PPM1L: variants seen among roughly 807,000 people sequenced by gnomAD.
PPM1L encodes the protein protein phosphatase 1L.
In PPM1L, 13 loss-of-function variants were observed where a neutral mutation model predicts 31.4. That is an observed-to-expected ratio of 0.41 (90% CI 0.27 to 0.66). PPM1L has a LOEUF of 0.66. Among genes scored for constraint, PPM1L ranks in the 30% least tolerant of loss-of-function variants. The pLI is 0.29. For synonymous variants in PPM1L, 184 were observed against 175.4 expected (o/e 1.05, Z -0.39); for missense variants, 326 against 453.7 (o/e 0.72, Z 2.56).
At chr3:160,814,631 GTA>G in intron 1 of PPM1L, among the ~76,000 whole-genome samples, 1 of 148,132 alleles carries the variant, frequency 6.8e-6, no homozygotes, top group Non-Finnish European at 1.5e-5. Flanking sequence ...ACATATGTAT[GTA>G]TGTGTATATA....
chr3:160,844,962 G>C (rs1360915232), intron 1 of PPM1L, among the ~76,000 whole-genome samples: 1 of 152,028 alleles, frequency 6.6e-6, no homozygotes, highest in African/African-American at 2.4e-5. Context: ...TGTCTCTGTA[G>C]ATTTGCCTAT....
At chr3:160,768,016 C>T (rs1306262184) in intron 1 of PPM1L, among the ~76,000 whole-genome samples, 1 of 152,042 alleles carries the variant, frequency 6.6e-6, no homozygotes. Context: ...GATCTTTGAT[C>T]GTAGTGTTTA....
rs59232471 is a variant in PPM1L at position 160,903,208 on chromosome 3, TTGTGTG to T, written c.400-58500_400-58495del. Among the ~76,000 whole-genome samples the T allele has an allele frequency of 4.8e-3, 577 of 120,102 alleles. 4 individuals carry two copies. Among genetic ancestry groups the T allele is most frequent in the African/African-American group, 0.017 (533 of 32,118 alleles). 78.8% of individuals were successfully genotyped at this position (120,102 alleles called of 152,430 possible). On this transcript the variant is annotated intron_variant, in intron 1 of 3. Coordinates refer to ENST00000498165, the MANE Select transcript of PPM1L (RefSeq NM_139245.4). ...GTGTGTGTGTGGTATGTGTGTATGTTTGTGTGTGTGTGTGTGTGTGTGTGTGTGTGT... is the reference window on the plus strand; with the variant it reads ...GTGTGTGTGTGGTATGTGTGTATGTTTGTGTGTGTGTGTGTGTGTGTGTGT...
intron 1 of PPM1L, among the ~76,000 whole-genome samples, chr3:160,774,404 T>C (rs1445637964): frequency 6.6e-6 from 1 of 152,208 alleles, no homozygotes; most frequent in Non-Finnish European, 1.5e-5. Context: ...TCACTTTGTC[T>C]CTGGCATCTC....
At chr3:160,891,237 T>C (rs1168341523) in intron 1 of PPM1L, among the ~76,000 whole-genome samples, 1 of 151,570 alleles carries the variant, frequency 6.6e-6, no homozygotes, top group Non-Finnish European at 1.5e-5. Context: ...CTGACAGAGG[T>C]CTAATATCCA....
At chr3:160,981,115 GTA>G (rs1334358503) in intron 2 of PPM1L, among the ~76,000 whole-genome samples, 10 of 152,120 alleles carry the variant, frequency 6.6e-5, no homozygotes, top group Non-Finnish European at 1.5e-5. Context: ...CAAGTTAAGA[GTA>G]TTTGTATGGG....
intron 1 of PPM1L, among the ~76,000 whole-genome samples, chr3:160,786,537 C>T (rs941914027): frequency 3.3e-5 from 5 of 150,538 alleles, no homozygotes; most frequent in East Asian, 1.9e-4. Flanking sequence ...TTTTTAATTA[C>T]GAGTAAAGTT....
In PPM1L at chr3:161,078,337, T is replaced by C. The variant is rs1312436685; in HGVS notation, c.*9180T>C. The C allele has an allele frequency of 6.6e-6, 1 of 152,324 alleles. No homozygotes were observed. The highest frequency in any genetic ancestry group is 1.9e-4 in the East Asian group (1 of 5,186). The allele number at this position is 152,324 out of a possible 1,614,324, so 9.4% of individuals were successfully genotyped here. A position where few individuals can be genotyped will look rare whatever the true frequency, so the allele number is the denominator to read the frequency against. On this transcript the variant is annotated 3_prime_UTR_variant, in exon 4 of 4. Transcript: ENST00000498165. ...TTGTATAAGCTTTTATTTATACCTA[T>C]TTCAACATCATGAAAATTTTTCCAT...
At chr3:160,833,857 GT>G (rs1713608713) in intron 1 of PPM1L, among the ~76,000 whole-genome samples, 1 of 151,682 alleles carries the variant, frequency 6.6e-6, no homozygotes, top group Non-Finnish European at 1.5e-5. Context: ...CTATGCCTAT[GT>G]CCTGAATGGT....
At chr3:161,024,024 C>A (rs1718308342) in intron 2 of PPM1L, among the ~76,000 whole-genome samples, 1 of 152,184 alleles carries the variant, frequency 6.6e-6, no homozygotes, top group East Asian at 1.9e-4. Flanking sequence ...TGCCTGTAAT[C>A]CCAACACCTT....
chr3:161,066,410 A>C (rs985785829), intron 3 of PPM1L, among the ~76,000 whole-genome samples: 1 of 152,216 alleles, frequency 6.6e-6, no homozygotes, highest in Non-Finnish European at 1.5e-5. Context: ...TAAGTCATTC[A>C]TATAGTATAT....
At position 161,074,336 on chromosome 3, in the gene PPM1L, T is replaced by C. The variant is rs373455661; in HGVS notation, c.*5179T>C. On this transcript the variant is annotated 3_prime_UTR_variant, in exon 4 of 4. Transcript: ENST00000498165. ...CCTGTAGTTCCACAGTAGTTACTCT[T>C]GGCTGCAGAAATAGGTTTGGGAAGC... The C allele has an allele frequency of 6.6e-6, 1 of 152,222 alleles. No homozygotes were observed. The highest frequency in any genetic ancestry group is 1.5e-5 in the Non-Finnish European group (1 of 68,030). The allele number at this position is 152,222 out of a possible 1,614,324, so 9.4% of individuals were successfully genotyped here. A position where few individuals can be genotyped will look rare whatever the true frequency, so the allele number is the denominator to read the frequency against.
intron 2 of PPM1L, among the ~76,000 whole-genome samples, chr3:161,003,030 G>A (rs1348806780): frequency 6.6e-6 from 1 of 150,786 alleles, no homozygotes; most frequent in Non-Finnish European, 1.5e-5. Context: ...GTGTAAGGAA[G>A]GGATCCAGTT....
intron 1 of PPM1L, among the ~76,000 whole-genome samples, chr3:160,947,932 G>A (rs13073571): frequency 0.37 from 55,537 of 151,986 alleles, 12,753 homozygotes; most frequent in Non-Finnish European, 0.52. Context: ...TTAAGAAAGC[G>A]TTCAAGCTCA....
intron 1 of PPM1L, among the ~76,000 whole-genome samples, chr3:160,851,631 C>T (rs1711528445): frequency 6.6e-6 from 1 of 151,930 alleles, no homozygotes; most frequent in African/African-American, 2.4e-5. Context: ...GAAGCTTTGA[C>T]GGGAAGAAAA....
chr3:161,067,812 C>G (rs998178971), intron 3 of PPM1L, among the ~76,000 whole-genome samples: 2 of 152,206 alleles, frequency 1.3e-5, no homozygotes, highest in Non-Finnish European at 2.9e-5. Context: ...ACCCATCGCT[C>G]AAAGCCCACC....
chr3:160,821,218 A>G (rs1713192425), intron 1 of PPM1L, among the ~76,000 whole-genome samples: 1 of 151,912 alleles, frequency 6.6e-6, no homozygotes, highest in African/African-American at 2.4e-5. Context: ...TGGGAACTGG[A>G]ACATATAATT....
intron 1 of PPM1L, among the ~76,000 whole-genome samples, chr3:160,858,796 A>C (rs1435285394): frequency 1.3e-5 from 2 of 152,078 alleles, no homozygotes; most frequent in Non-Finnish European, 1.5e-5. Context: ...TATAGTCCTA[A>C]CTCTCTGACT....
chr3:161,020,989 A>C (rs1183963697), intron 2 of PPM1L, among the ~76,000 whole-genome samples: 5 of 151,732 alleles, frequency 3.3e-5, no homozygotes, highest in Non-Finnish European at 5.9e-5. Flanking sequence ...AAGTTTGGTC[A>C]ACTTTGGTGA....
Sources: gnomAD v4.1 joint callset for allele counts (sites outside exome capture counted in the v4.1 genomes callset) on GRCh38, gnomAD v4.1.1 for gene constraint, MANE v1.5 for transcripts, NCBI Gene and HGNC (gene_info 2026-07-23, HGNC 2026-07-21) for gene names.